Variants in INPP4A observed in about 807,000 individuals in gnomAD.
INPP4A encodes inositol polyphosphate-4-phosphatase, type I, 107kD.
A neutral mutation model predicts 119.8 loss-of-function variants in INPP4A; 33 were observed. The observed-to-expected ratio is 0.28, with a 90% CI of 0.21 to 0.37. The LOEUF (loss-of-function observed/expected upper bound fraction) is 0.37. Among genes scored for constraint, INPP4A ranks in the 10% least tolerant of loss-of-function variants. The probability of loss-of-function intolerance (pLI) is 1.00; values close to 1 mark genes in which losing one functional copy is unlikely to be tolerated. For missense variants in INPP4A, 956 were observed against 1,289.9 expected (o/e 0.74, Z 3.97); for synonymous variants, 496 against 500.7 (o/e 0.99, Z 0.12).
rs1692561957 is a variant in INPP4A at position 98,546,827 on chromosome 2, G to C, written c.1163+133G>C. 4.6e-6 allele frequency: 3 copies of C among 647,860 alleles called. No individual in the cohort carries two copies. The highest frequency in any genetic ancestry group is 1.8e-5 in the South Asian group (1 of 55,602). The allele number at this position is 647,860 out of a possible 1,614,324, so 40.1% of individuals were successfully genotyped here. On this transcript the variant is annotated intron_variant, in intron 13 of 24. Transcript: ENST00000409851. The surrounding 1 kb of genome is among the most constrained non-coding windows in gnomAD (Gnocchi z 4.2). The stretch of plus-strand genomic sequence containing the variant: ...CTGCTTTTGCGTGGCAGGAGGATCT[G>C]CCTTATGGAGCCTGTGCTGCTCTGT...
intron 1 of INPP4A, among the ~76,000 whole-genome samples, chr2:98,513,086 G>A (rs1361172961): frequency 6.6e-6 from 1 of 152,200 alleles, no homozygotes; most frequent in Non-Finnish European, 1.5e-5. Context: ...TGCACCGTAG[G>A]ATGGGGAAGG....
At chr2:98,467,502 C>T (rs761825107) in intron 1 of INPP4A, among the ~76,000 whole-genome samples, 1 of 152,206 alleles carries the variant, frequency 6.6e-6, no homozygotes, top group African/African-American at 2.4e-5. Context: ...GCAATGTTAG[C>T]GACACCGTCC....
chr2:98,489,851 G>A (rs1234514076), intron 1 of INPP4A, among the ~76,000 whole-genome samples: 1 of 150,670 alleles, frequency 6.6e-6, no homozygotes, highest in Non-Finnish European at 1.5e-5. Context: ...TACACATAGG[G>A]TTTATATACC....
At chr2:98,502,695 A>G (rs930408624) in intron 1 of INPP4A, among the ~76,000 whole-genome samples, 4 of 152,218 alleles carry the variant, frequency 2.6e-5, no homozygotes, top group Admixed American at 2.6e-4. Context: ...CAGCACCACA[A>G]CCAGATTAGG....
chr2:98,488,267 T>A (rs961081882), intron 1 of INPP4A, among the ~76,000 whole-genome samples: 1 of 152,162 alleles, frequency 6.6e-6, no homozygotes, highest in Non-Finnish European at 1.5e-5. Flanking sequence ...CCCTCATCCC[T>A]TTTATTGGAG....
At chr2:98,543,415 G>A (rs1691882384) in intron 10 of INPP4A, among the ~76,000 whole-genome samples, 1 of 152,176 alleles carries the variant, frequency 6.6e-6, no homozygotes, top group Non-Finnish European at 1.5e-5. Flanking sequence ...GCCTCCTAGG[G>A]GAGATGACGA....
chr2:98,565,920 G>A (rs1230991446), intron 20 of INPP4A, 109 bp from the exon 21 acceptor site: 1 of 1,496,582 alleles, frequency 6.7e-7, no homozygotes, highest in Non-Finnish European at 9.0e-7. Flanking sequence ...TTAAAGGTCT[G>A]TGGTTGGCAG....
In INPP4A at chr2:98,588,721, A is replaced by G. The variant is rs1700165287; in HGVS notation, c.*1113A>G. The G allele has an allele frequency of 4.5e-6, 1 of 222,100 alleles. No homozygotes were observed. The highest frequency in any genetic ancestry group is 9.0e-6 in the Non-Finnish European group (1 of 111,290). 13.8% of individuals were successfully genotyped at this position (222,100 alleles called of 1,614,324 possible). On this transcript the variant is annotated 3_prime_UTR_variant, in exon 25 of 25. Coordinates refer to ENST00000409851, the MANE Select transcript of INPP4A (RefSeq NM_001134225.2). ...ATAAAACTTAGGAATTTCATAGAAA[A>G]TTTTGTCTGGTCATCTTTTATAAGA...
rs1020872213 is a variant in INPP4A at position 98,592,220 on chromosome 2, G to A, written c.*4612G>A. The A allele has an allele frequency of 2.0e-5, 3 of 152,326 alleles. No individual in the cohort carries two copies. Among genetic ancestry groups the A allele is most frequent in the African/African-American group, 4.8e-5 (2 of 41,454 alleles). The allele number at this position is 152,326 out of a possible 1,614,324, so 9.4% of individuals were successfully genotyped here. On this transcript the variant is annotated 3_prime_UTR_variant, in exon 25 of 25. Transcript: ENST00000409851. Reference sequence around the variant, plus strand: ...CCTCTTCTACCAGCCCCTCTTAAGAGCCGATTTTCTGTAAGTTATAGTGAG... The same window carrying A: ...CCTCTTCTACCAGCCCCTCTTAAGAACCGATTTTCTGTAAGTTATAGTGAG...
intron 1 of INPP4A, among the ~76,000 whole-genome samples, chr2:98,466,074 C>T (rs1474225462): frequency 6.6e-6 from 1 of 151,866 alleles, no homozygotes; most frequent in Non-Finnish European, 1.5e-5. Context: ...GAGATGGAGT[C>T]TCACTCTGTT....
Position 98,587,590 on chromosome 2 carries a change from C to T in INPP4A, c.2901C>T (p.Tyr967=), listed in dbSNP as rs761409520. The T allele has an allele frequency of 1.4e-5, 23 of 1,599,982 alleles. No homozygotes were observed. The East Asian group carries it at 2.7e-4, about 19-fold the overall frequency. Residue 967 remains tyrosine, a synonymous_variant, in exon 25 of 25, where the codon TAC becomes TAT. Coordinates refer to ENST00000409851, the MANE Select transcript of INPP4A (RefSeq NM_001134225.2). ...ATTACAGGCCTCCCGAAGGGACTTA[C>T]GGAAAAGTTGAAACGTGAACACACG... is the stretch of plus-strand genomic sequence containing the variant. ...PKHYRPPEGT[Y]GKVET
chr2:98,550,460 C>G (rs965431894), intron 13 of INPP4A, among the ~76,000 whole-genome samples: 7 of 152,228 alleles, frequency 4.6e-5, no homozygotes, highest in Admixed American at 6.5e-5. Flanking sequence ...GCCAGGGCCA[C>G]AAGACTCCAC....
chr2:98,593,871 T>A lies in INPP4A; in HGVS notation c.*6263T>A, dbSNP rs887816365. 6.6e-6 allele frequency: 1 copy of A among 151,742 alleles called. No individual in the cohort carries two copies. Among genetic ancestry groups the A allele is most frequent in the East Asian group, 1.9e-4 (1 of 5,188 alleles). The allele number at this position is 151,742 out of a possible 1,614,324, so 9.4% of individuals were successfully genotyped here. A position where few individuals can be genotyped will look rare whatever the true frequency, so the allele number is the denominator to read the frequency against. ...CCCCTCCTGCAAGGCTAGTCTCAGG[T>A]CTGCCTTCCTCTATGGTGATTTCTC... On this transcript the variant is annotated 3_prime_UTR_variant, in exon 25 of 25. Coordinates refer to ENST00000409851, the MANE Select transcript of INPP4A (RefSeq NM_001134225.2).
At chr2:98,452,091 TGG>T (rs1465022654) in intron 1 of INPP4A, among the ~76,000 whole-genome samples, 2 of 152,190 alleles carry the variant, frequency 1.3e-5, no homozygotes, top group Non-Finnish European at 2.9e-5. Flanking sequence ...TTGGGGGCAG[TGG>T]GACTGCGTGC....
intron 1 of INPP4A, among the ~76,000 whole-genome samples, chr2:98,469,499 C>CAA (rs768218588): frequency 1.2e-4 from 13 of 106,140 alleles, no homozygotes; most frequent in Non-Finnish European, 1.6e-4. Context: ...GACTCCGTCT[C>CAA]AAAAAAAAAA....
chr2:98,506,849 G>A (rs987995667), intron 1 of INPP4A, among the ~76,000 whole-genome samples: 2 of 152,228 alleles, frequency 1.3e-5, no homozygotes, highest in African/African-American at 4.8e-5. Flanking sequence ...TGGCAGGGAG[G>A]GGGAGTCAAG....
chr2:98,545,493 A>G (rs1179628124), intron 11 of INPP4A, among the ~76,000 whole-genome samples: 1 of 152,176 alleles, frequency 6.6e-6, no homozygotes, highest in Non-Finnish European at 1.5e-5. Flanking sequence ...AGGCCTCTTC[A>G]TCACTTTCGA....
intron 13 of INPP4A, among the ~76,000 whole-genome samples, chr2:98,549,316 C>T (rs1172072627): frequency 6.6e-6 from 1 of 152,150 alleles, no homozygotes; most frequent in East Asian, 1.9e-4. Flanking sequence ...CTGGGAACTC[C>T]TGTCTTCTTA....
intron 5 of INPP4A, among the ~76,000 whole-genome samples, chr2:98,535,497 T>C (rs1172543316): frequency 6.6e-6 from 1 of 152,218 alleles, no homozygotes; most frequent in African/African-American, 2.4e-5. Context: ...TGGGCTGATT[T>C]ATTGTATGTG....
Sources: allele counts gnomAD v4.1 joint callset (sites outside exome capture counted in the v4.1 genomes callset), GRCh38; gene constraint gnomAD v4.1.1; non-coding constraint Gnocchi (gnomAD v3.1); transcripts MANE v1.5; gene names NCBI Gene and HGNC (gene_info 2026-07-23, HGNC 2026-07-21).